NINL: variants seen among roughly 807,000 people sequenced by gnomAD.
NINL encodes ninein like.
NINL carries 153 observed loss-of-function variants against 160.3 expected under a neutral mutation model. The observed-to-expected ratio is 0.95, with a 90% CI of 0.84 to 1.09. The LOEUF (loss-of-function observed/expected upper bound fraction) is 1.09, where lower values mean the gene tolerates loss of function less well. NINL is among the 50% of genes least tolerant of loss of function. NINL has a pLI of 0.00. For missense variants in NINL, 1,829 were observed against 1,764.0 expected (o/e 1.04, Z -0.66); for synonymous variants, 800 against 734.8 (o/e 1.09, Z -1.43).
chr20:25,509,916 G>A (rs560615027), intron 5 of NINL, among the ~76,000 whole-genome samples: 1 of 152,336 alleles, frequency 6.6e-6, no homozygotes, highest in African/African-American at 2.4e-5. Context: ...TCCCCAGGGG[G>A]ATCCACTGGG....
intron 2 of NINL, 92 bp downstream of exon 2, chr20:25,526,316 G>T: frequency 8.5e-7 from 1 of 1,170,444 alleles, no homozygotes; most frequent in Non-Finnish European, 1.2e-6. Context: ...TTTGACACTT[G>T]AATCCTTATT....
Position 25,476,989 on chromosome 20 carries a change from G to T in NINL, c.2302C>A (p.Pro768Thr), listed in dbSNP as rs764206456. 7 of 1,604,332 alleles carry T rather than the reference G, an allele frequency of 4.4e-6. No individual in the cohort carries two copies. Among genetic ancestry groups the T allele is most frequent in the South Asian group, 3.3e-5 (3 of 91,014 alleles). The change falls in exon 17 of 24, where the codon CCC (proline) becomes ACC (threonine). Residue 768 changes from proline to threonine, a missense_variant. Physicochemically the swap from Pro to Thr is conservative, Grantham distance 38. Coordinates refer to ENST00000278886, the MANE Select transcript of NINL (RefSeq NM_025176.6). ...GACCTCTGGCTCCCGCGTGGCAGGG[G>T]TCCCTGCGGCGGCTCCTCCAGCTCC... ...TLELEEPPQGPLPRGSQRSEQ... is the reference protein window; with the variant it reads ...TLELEEPPQGTLPRGSQRSEQ...
At chr20:25,582,026 G>T (rs1045501019) in intron 1 of NINL, among the ~76,000 whole-genome samples, 1 of 152,156 alleles carries the variant, frequency 6.6e-6, no homozygotes, top group Non-Finnish European at 1.5e-5. Flanking sequence ...GGGAGGCCGA[G>T]CGGGGTGGAT....
intron 21 of NINL, 111 bp from the exon 22 acceptor site, chr20:25,458,640 T>G: frequency 8.9e-7 from 1 of 1,127,490 alleles, no homozygotes; most frequent in Non-Finnish European, 1.2e-6. Context: ...AAGCGTGTGC[T>G]CCCGAGTATG....
At chr20:25,489,021 A>G in intron 13 of NINL, 1 of 563,344 alleles carries the variant, frequency 1.8e-6, no homozygotes, top group Non-Finnish European at 3.2e-6. Context: ...AGAAGACAAC[A>G]ATGCCCTGCA....
intron 14 of NINL, chr20:25,481,756 T>G (rs2063392821): frequency 1.5e-6 from 1 of 682,736 alleles, no homozygotes; most frequent in Admixed American, 2.7e-5. Context: ...TCAGCGTCCC[T>G]TCCTCCTCCC....
chr20:25,569,714 G>C (rs2065033219), intron 1 of NINL, among the ~76,000 whole-genome samples: 1 of 152,206 alleles, frequency 6.6e-6, no homozygotes, highest in Non-Finnish European at 1.5e-5. Context: ...GGCATGGCCT[G>C]GTGTGGAGCA....
chr20:25,476,053 C>G lies in NINL; in HGVS notation c.3238G>C (p.Glu1080Gln), dbSNP rs748354986. 25 of 1,612,366 alleles carry G rather than the reference C, an allele frequency of 1.6e-5. No individual in the cohort carries two copies. The highest frequency in any genetic ancestry group is 2.2e-5 in the East Asian group (1 of 44,890). Residue 1080 changes from glutamate (E) to glutamine (Q), a missense_variant, in exon 17 of 24, where the codon GAG (glutamate) becomes CAG (glutamine). By Grantham distance (29) the Glu-to-Gln change is conservative (BLOSUM62 2). Coordinates refer to ENST00000278886, the MANE Select transcript of NINL (RefSeq NM_025176.6). ...GAGTAGAAGGCAAACCTGTCGTTCTCTCTCAAATCTACATGTTTCTCCAGA... is the reference window on the plus strand; with the variant it reads ...GAGTAGAAGGCAAACCTGTCGTTCTGTCTCAAATCTACATGTTTCTCCAGA... The part of the protein sequence containing the change: ...RALEKHVDLR[E>Q]NDRLEFHRLS...
intron 1 of NINL, among the ~76,000 whole-genome samples, chr20:25,546,068 T>C (rs1447078223): frequency 6.6e-6 from 1 of 152,036 alleles, no homozygotes; most frequent in Non-Finnish European, 1.5e-5. Context: ...GCCTGTGACT[T>C]CTGCTTCCCT....
At position 25,504,014 on chromosome 20, in the gene NINL, G is replaced by A; in HGVS notation, c.799C>T (p.Pro267Ser). The change falls in exon 7 of 24, where the codon CCC becomes TCC. Residue 267 changes from proline (P) to serine (S), a missense_variant. Pro to Ser is a moderately conservative substitution (Grantham distance 74). Coordinates refer to ENST00000278886, the MANE Select transcript of NINL (RefSeq NM_025176.6). Reference sequence around the variant, plus strand: ...GTGGAAGACTCTAGAAGTAGCGCGGGCTCATGACTGAAGAGGCCAAGCTGG... The same window carrying A: ...GTGGAAGACTCTAGAAGTAGCGCGGACTCATGACTGAAGAGGCCAAGCTGG... ...EFQLGLFSHE[P>S]ALLLESSTRV... is the part of the protein sequence containing the mutation. 6.2e-7 allele frequency: 1 copy of A among 1,613,818 alleles called. No homozygotes were observed. Among genetic ancestry groups the A allele is most frequent in the African/African-American group, 1.3e-5 (1 of 75,030 alleles).
chr20:25,582,082 C>T (rs778292996), intron 1 of NINL, among the ~76,000 whole-genome samples: 2 of 151,962 alleles, frequency 1.3e-5, no homozygotes, highest in Non-Finnish European at 2.9e-5. Flanking sequence ...ATGGTGAAAC[C>T]CCGTCTCTAC....
In NINL at chr20:25,476,994, T is replaced by C; in HGVS notation, c.2297A>G (p.Gln766Arg). 1 of 1,603,040 alleles carries C rather than the reference T, an allele frequency of 6.2e-7. No individual in the cohort carries two copies. The highest frequency in any genetic ancestry group is 8.5e-7 in the Non-Finnish European group (1 of 1,179,686). The change falls in exon 17 of 24, where the codon CAG becomes CGG. Residue 766 changes from glutamine to arginine, a missense_variant. Coordinates refer to ENST00000278886, the MANE Select transcript of NINL (RefSeq NM_025176.6). ...DLTLELEEPP[Q>R]GPLPRGSQRS... Reference sequence around the variant, plus strand: ...CTGGCTCCCGCGTGGCAGGGGTCCCTGCGGCGGCTCCTCCAGCTCCAAGGT... The same window carrying C: ...CTGGCTCCCGCGTGGCAGGGGTCCCCGCGGCGGCTCCTCCAGCTCCAAGGT...
intron 1 of NINL, among the ~76,000 whole-genome samples, chr20:25,577,472 T>C (rs927545148): frequency 6.6e-6 from 1 of 152,214 alleles, no homozygotes; most frequent in African/African-American, 2.4e-5. Flanking sequence ...GCCTTCCAGA[T>C]ACAAGGAGCT....
intron 1 of NINL, among the ~76,000 whole-genome samples, chr20:25,532,789 C>A (rs1182275754): frequency 6.6e-6 from 1 of 152,210 alleles, no homozygotes; most frequent in Non-Finnish European, 1.5e-5. Flanking sequence ...AGACAATATC[C>A]AGCCACATTT....
intron 18 of NINL, 142 bp downstream of exon 18, chr20:25,469,849 A>G: frequency 3.1e-6 from 2 of 642,238 alleles, no homozygotes; most frequent in South Asian, 4.0e-5. Context: ...TCAGAAGTTA[A>G]CAAGGCTCAT....
Position 25,465,583 on chromosome 20 carries a change from C to T in NINL, c.3423+1806G>A, listed in dbSNP as rs1035353876. ...GACAGACACAAGCAGAAGGGGTCCC[C>T]GACGACTCCAACCCTGGCCATTAGG... On this transcript the variant is annotated intron_variant, in intron 19 of 23. Transcript: ENST00000278886. Among the ~76,000 whole-genome samples the T allele has an allele frequency of 5.3e-5, 8 of 152,196 alleles. No homozygotes were observed. The East Asian group carries it at 5.8e-4, about 11-fold the overall frequency.
chr20:25,485,349 A>G lies in NINL; in HGVS notation c.1678-3249T>C, dbSNP rs191954126. 9.8e-5 allele frequency among the ~76,000 whole-genome samples: 15 copies of G among 152,364 alleles called. No homozygotes were observed. The East Asian group carries it at 1.7e-3, about 18-fold the overall frequency. ...TTTCTGTGGTTTAAAGCCTGTATCA[A>G]TTTGAAGCCTATCAAAGGCTTAATA... On this transcript the variant is annotated intron_variant, in intron 13 of 23. Transcript: ENST00000278886.
intron 13 of NINL, among the ~76,000 whole-genome samples, chr20:25,488,371 G>A (rs965755302): frequency 6.6e-6 from 1 of 152,134 alleles, no homozygotes. Flanking sequence ...GACTACAGGC[G>A]TGCAGCACCA....
chr20:25,467,582 C>G, intron 18 of NINL, 124 bp from the exon 19 acceptor site: 1 of 734,898 alleles, frequency 1.4e-6, no homozygotes, highest in Non-Finnish European at 2.5e-6. Flanking sequence ...CCCACACCTG[C>G]CCCTGGCATT....
Sources: gnomAD v4.1 joint callset for allele counts (sites outside exome capture counted in the v4.1 genomes callset) on GRCh38, gnomAD v4.1.1 for gene constraint, MANE v1.5 for transcripts, NCBI Gene and HGNC (gene_info 2026-07-23, HGNC 2026-07-21) for gene names.